TSPAN15: variants seen among roughly 807,000 people sequenced by gnomAD.
The protein encoded by TSPAN15 is tetraspanin-15.
A neutral mutation model predicts 34.5 loss-of-function variants in TSPAN15; 20 were observed. The observed-to-expected ratio is 0.58, with a 90% confidence interval of 0.41 to 0.84. The LOEUF (loss-of-function observed/expected upper bound fraction) is 0.84. TSPAN15 is among the 40% of genes least tolerant of loss of function. The pLI, the probability that TSPAN15 is intolerant of heterozygous loss-of-function variation, is 0.00. For missense variants in TSPAN15, 313 were observed against 386.1 expected, an observed-to-expected ratio of 0.81 and a Z score of 1.59; for synonymous variants, 155 against 153.9, an observed-to-expected ratio of 1.01 and a Z score of -0.05.
chr10:69,452,852 C>T (rs182324421), intron 1 of TSPAN15, among the ~76,000 whole-genome samples: 2 of 152,220 alleles, frequency 1.3e-5, no homozygotes, highest in Admixed American at 6.5e-5. Context: ...CACACACTCT[C>T]CCCTGGTGTC....
At chr10:69,543,373 C>T in the TSPAN15 span, among the ~76,000 whole-genome samples, 1 of 152,210 alleles carries the variant, frequency 6.6e-6, no homozygotes, top group Non-Finnish European at 1.5e-5. Flanking sequence ...CCTTCCTCCC[C>T]TTCCTGAACC....
intron 1 of TSPAN15, among the ~76,000 whole-genome samples, chr10:69,456,241 C>G (rs898392915): frequency 6.6e-6 from 1 of 151,982 alleles, no homozygotes; most frequent in African/African-American, 2.4e-5. Flanking sequence ...GCGCCTACTA[C>G]CACGATGGGC....
chr10:69,545,147 C>T, the TSPAN15 span, among the ~76,000 whole-genome samples: 1 of 152,160 alleles, frequency 6.6e-6, no homozygotes, highest in Non-Finnish European at 1.5e-5. Context: ...GAGTTTAGGC[C>T]CCAAGGATGG....
the TSPAN15 span, among the ~76,000 whole-genome samples, chr10:69,539,539 G>GAAGAAGA: frequency 3.6e-3 from 155 of 42,674 alleles, 3 homozygotes; most frequent in Admixed American, 6.2e-3. Context: ...GAAGAAGAAG[G>GAAGAAGA]AGAAGGAGAA....
At chr10:69,549,105 A>G in the TSPAN15 span, among the ~76,000 whole-genome samples, 1 of 152,118 alleles carries the variant, frequency 6.6e-6, no homozygotes, top group African/African-American at 2.4e-5. Flanking sequence ...CCAGCATCTA[A>G]TCAAGAATGA....
At chr10:69,485,335 G>T in intron 3 of TSPAN15, 120 bp downstream of exon 3, 1 of 858,344 alleles carries the variant, frequency 1.2e-6, no homozygotes. Context: ...CTTTCATTCT[G>T]CTGAAAGAGA....
At chr10:69,505,730 C>G (rs1466971277) in intron 6 of TSPAN15, among the ~76,000 whole-genome samples, 1 of 152,062 alleles carries the variant, frequency 6.6e-6, no homozygotes, top group Admixed American at 6.5e-5. Context: ...TTATATGTAC[C>G]TGGAGTGGGG....
At chr10:69,469,851 G>A (rs575406230) in intron 1 of TSPAN15, among the ~76,000 whole-genome samples, 2 of 152,198 alleles carry the variant, frequency 1.3e-5, no homozygotes, top group East Asian at 3.9e-4. Flanking sequence ...GCCTAATCTC[G>A]TGGGCTTGAG....
At chr10:69,530,472 C>T in the TSPAN15 span, among the ~76,000 whole-genome samples, 4 of 147,322 alleles carry the variant, frequency 2.7e-5, no homozygotes, top group African/African-American at 7.4e-5. Context: ...ACCTAAAGTC[C>T]GTAAAATGGC....
chr10:69,471,458 C>G (rs544522890), intron 1 of TSPAN15, among the ~76,000 whole-genome samples: 2 of 152,174 alleles, frequency 1.3e-5, no homozygotes, highest in African/African-American at 4.8e-5. Flanking sequence ...GCAGAGCCCA[C>G]GCCACTCTGC....
At chr10:69,531,071 C>T in the TSPAN15 span, among the ~76,000 whole-genome samples, 1 of 144,392 alleles carries the variant, frequency 6.9e-6, no homozygotes, top group Non-Finnish European at 1.5e-5. Flanking sequence ...AAAAACTGCT[C>T]GGAACAGGAA....
In TSPAN15 at chr10:69,451,534, G is replaced by A. The variant is rs1197722969; in HGVS notation, c.-61G>A. On this transcript the variant is annotated 5_prime_UTR_variant, in exon 1 of 8. Coordinates refer to ENST00000373290, the MANE Select transcript of TSPAN15 (RefSeq NM_012339.5). ...AGCCGCAGGTGGGGCCACGAGCGCT[G>A]GCTGAGGGACCGAGCCGGAGAGCCC... is the stretch of plus-strand genomic sequence containing the variant. The A allele has an allele frequency of 4.6e-6, 6 of 1,312,138 alleles. No individual in the cohort carries two copies. The highest frequency in any genetic ancestry group is 5.8e-6 in the Non-Finnish European group (6 of 1,028,230). 81.3% of individuals were successfully genotyped at this position (1,312,138 alleles called of 1,614,324 possible). A position where few individuals can be genotyped will look rare whatever the true frequency, so the allele number is the denominator to read the frequency against.
intron 3 of TSPAN15, among the ~76,000 whole-genome samples, chr10:69,490,458 T>C (rs529699039): frequency 6.6e-6 from 1 of 152,324 alleles, no homozygotes; most frequent in African/African-American, 2.4e-5. Context: ...CGGTGGCTCA[T>C]GCTTGTAATC....
At chr10:69,542,154 A>G in the TSPAN15 span, among the ~76,000 whole-genome samples, 628 of 152,242 alleles carry the variant, frequency 4.1e-3, 5 homozygotes, top group African/African-American at 0.014. Context: ...TCAAATTTCC[A>G]CAGATCTCTA....
At chr10:69,463,808 C>CAA (rs56064605) in intron 1 of TSPAN15, among the ~76,000 whole-genome samples, 7,794 of 116,864 alleles carry the variant, frequency 0.067, 366 homozygotes, top group Middle Eastern at 0.18. Flanking sequence ...GACTCCGTCT[C>CAA]AAAAAAAAAA....
chr10:69,497,555 C>A (rs1418262266), intron 4 of TSPAN15, among the ~76,000 whole-genome samples: 4 of 152,272 alleles, frequency 2.6e-5, no homozygotes, highest in African/African-American at 9.6e-5. Flanking sequence ...TCCCCACTTT[C>A]CCCCTATTTC....
the TSPAN15 span, among the ~76,000 whole-genome samples, chr10:69,534,080 C>T: frequency 1.3e-5 from 2 of 152,160 alleles, no homozygotes; most frequent in African/African-American, 4.8e-5. Context: ...GGCAAAAAAA[C>T]TCCTTAAGTT....
intron 1 of TSPAN15, among the ~76,000 whole-genome samples, chr10:69,466,207 C>T (rs1841380641): frequency 1.3e-5 from 2 of 152,156 alleles, no homozygotes; most frequent in Non-Finnish European, 2.9e-5. Context: ...AAGTCTTGTT[C>T]CTGATGAGGG....
intron 1 of TSPAN15, among the ~76,000 whole-genome samples, chr10:69,482,729 C>T (rs2052966): frequency 0.38 from 58,185 of 151,694 alleles, 11,788 homozygotes; most frequent in Non-Finnish European, 0.45. Context: ...GTCCAAGGCC[C>T]AGGGTTAGCA....
Sources: allele counts gnomAD v4.1 joint callset (sites outside exome capture counted in the v4.1 genomes callset), GRCh38; gene constraint gnomAD v4.1.1; transcripts MANE v1.5; gene names NCBI Gene and HGNC (gene_info 2026-07-23, HGNC 2026-07-21).